Variants in DPEP2 observed in about 807,000 individuals in gnomAD.
DPEP2 encodes dipeptidase 2.
A neutral mutation model predicts 51.8 loss-of-function variants in DPEP2; 45 were observed. That is an observed-to-expected ratio of 0.87 (90% CI 0.68 to 1.11). DPEP2 has a LOEUF of 1.11. DPEP2 is among the 50% of genes most tolerant of loss of function. The pLI is 0.00. For synonymous variants in DPEP2, 255 were observed against 262.7 expected (o/e 0.97, Z 0.28); for missense variants, 604 against 631.9 (o/e 0.96, Z 0.47).
chr16:67,991,806 C>G lies in DPEP2; in HGVS notation c.662+32G>C, dbSNP rs2032190228. Reference sequence around the variant, plus strand: ...CTCAGGCAGATCTCTGCCCCTGCCTCAGCGGTCCCACACCATCTGCACTAG... The same window carrying G: ...CTCAGGCAGATCTCTGCCCCTGCCTGAGCGGTCCCACACCATCTGCACTAG... On this transcript the variant is annotated intron_variant, in intron 5 of 10. Coordinates refer to ENST00000393847, the MANE Select transcript of DPEP2 (RefSeq NM_022355.4). This position sits in a 1 kb window ranked among gnomAD's most constrained non-coding sequence, Gnocchi z 5.1. 2 of 1,608,866 alleles carry G rather than the reference C, an allele frequency of 1.2e-6. No individual in the cohort carries two copies. Among genetic ancestry groups the G allele is most frequent in the African/African-American group, 1.3e-5 (1 of 74,874 alleles).
chr16:67,990,950 G>C lies in DPEP2; in HGVS notation c.780C>G (p.Ser260=), dbSNP rs772954789. 29 of 1,614,066 alleles carry C rather than the reference G, an allele frequency of 1.8e-5. No individual in the cohort carries two copies. The highest frequency in any genetic ancestry group is 2.4e-5 in the Non-Finnish European group (28 of 1,180,038). The change falls in exon 7 of 11, where the codon TCC becomes TCG. Residue 260 remains serine, a synonymous_variant. Transcript: ENST00000393847. ...MNRLGMMVDL[S]HVSDAVARRA... is the part of the protein sequence containing the mutation. Reference sequence around the variant, plus strand: ...GCCGTGCCACAGCATCTGAGACATGGGATAAGTCTACCATCATGCCCAGGC... The same window carrying C: ...GCCGTGCCACAGCATCTGAGACATGCGATAAGTCTACCATCATGCCCAGGC...
At position 67,997,252 on chromosome 16, in the gene DPEP2, C is replaced by T. The variant is rs184056571; in HGVS notation, c.-46+2123G>A. On this transcript the variant is annotated intron_variant, in intron 1 of 10. Transcript: ENST00000393847. ...TTTGCCATGTTGGCCAGGCTGGTCT[C>T]GAACTCCTGACCTCAGGTGATCCGC... is the stretch of plus-strand genomic sequence containing the variant. 6.8e-3 allele frequency among the ~76,000 whole-genome samples: 1,028 copies of T among 151,442 alleles called. 13 individuals are homozygous for T. The highest frequency in any genetic ancestry group is 0.022 in the African/African-American group (910 of 41,266).
chr16:67,989,225 A>G, intron 9 of DPEP2, 98 bp downstream of exon 9: 1 of 1,285,926 alleles, frequency 7.8e-7, no homozygotes, highest in South Asian at 1.2e-5. Context: ...TGATCCCGGG[A>G]GTGTGGTCAA....
In DPEP2 at chr16:67,991,142, G is replaced by A. The variant is rs1413727964; in HGVS notation, c.705C>T (p.Asn235=). Residue 235 remains asparagine (N), a synonymous_variant, in exon 6 of 11, where the codon AAC becomes AAT. Coordinates refer to ENST00000393847, the MANE Select transcript of DPEP2 (RefSeq NM_022355.4). This position sits in a 1 kb window ranked among gnomAD's most constrained non-coding sequence, Gnocchi z 5.1. ...SAKGVHSFYN[N]ISGLTDFGEK... is the part of the protein sequence containing the mutation. ...CACCAAAGTCAGTCAGCCCGCTGAT[G>A]TTGTTGTAGAAGGAGTGGACGCCCT... 6.8e-6 allele frequency: 11 copies of A among 1,614,090 alleles called. No homozygotes were observed. Among genetic ancestry groups the A allele is most frequent in the Non-Finnish European group, 8.5e-6 (10 of 1,180,022 alleles).
At position 67,992,618 on chromosome 16, in the gene DPEP2, C is replaced by G. The variant is rs774332088; in HGVS notation, c.282G>C (p.Leu94=). Reference sequence around the variant, plus strand: ...CTTTCTGGTAAACCTGCCTTAGGACCAGGGGCAGGTCGTTGTGGCTGGAGG... The same window carrying G: ...CTTTCTGGTAAACCTGCCTTAGGACGAGGGGCAGGTCGTTGTGGCTGGAGG... The part of the protein sequence containing the change: ...PLVDGHNDLP[L]VLRQVYQKGL... The change falls in exon 3 of 11, where the codon CTG becomes CTC. Residue 94 remains leucine, a synonymous_variant. Transcript: ENST00000393847. The G allele has an allele frequency of 6.8e-6, 11 of 1,613,862 alleles. No individual in the cohort carries two copies. In the Admixed American group the frequency reaches 8.3e-5, roughly 12 times the overall value.
chr16:67,992,396 G>T, intron 3 of DPEP2, 114 bp downstream of exon 3: 1 of 1,486,748 alleles, frequency 6.7e-7, no homozygotes, highest in Non-Finnish European at 9.1e-7. Context: ...GACACTTTTT[G>T]GGTCACTATG....
Position 67,987,923 on chromosome 16 carries a change from C to G in DPEP2, c.1135G>C (p.Gly379Arg), listed in dbSNP as rs766824465. The change falls in exon 10 of 11, where the codon GGC (glycine) becomes CGC (arginine). Residue 379 changes from glycine to arginine, a missense_variant. Coordinates refer to ENST00000393847, the MANE Select transcript of DPEP2 (RefSeq NM_022355.4). Reference protein sequence around the residue: ...PVLIEELLSRGWSEEELQGVL... With the variant: ...PVLIEELLSRRWSEEELQGVL... ...CCCTGAAGCTCTTCCTCACTCCAGC[C>G]ACGACTCAGCAACTCCTCTATCAGG... 5 of 1,614,074 alleles carry G rather than the reference C, an allele frequency of 3.1e-6. No individual in the cohort carries two copies. Among genetic ancestry groups the G allele is most frequent in the Non-Finnish European group, 4.2e-6 (5 of 1,180,044 alleles).
At chr16:67,999,993 C>A (rs1456566301), upstream of DPEP2, among the ~76,000 whole-genome samples, 1 of 152,152 alleles carries the variant, frequency 6.6e-6, no homozygotes, top group African/African-American at 2.4e-5. Flanking sequence ...GAATTTCTTT[C>A]TTTGGCTTTC....
In DPEP2 at chr16:67,991,668, G is replaced by A. The variant is rs909803902; in HGVS notation, c.662+170C>T. 1.8e-5 allele frequency: 19 copies of A among 1,032,154 alleles called. No individual in the cohort carries two copies. Among genetic ancestry groups the A allele is most frequent in the African/African-American group, 9.7e-5 (6 of 61,774 alleles). 63.9% of individuals were successfully genotyped at this position (1,032,154 alleles called of 1,614,324 possible). On this transcript the variant is annotated intron_variant, in intron 5 of 10. Coordinates refer to ENST00000393847, the MANE Select transcript of DPEP2 (RefSeq NM_022355.4). This position sits in a 1 kb window ranked among gnomAD's most constrained non-coding sequence, Gnocchi z 5.1. ...TTTGGGATTACAGGCATGAGCCACCGCGTCTGGCCAGGGGTCAAGTCGTAT... is the reference window on the plus strand; with the variant it reads ...TTTGGGATTACAGGCATGAGCCACCACGTCTGGCCAGGGGTCAAGTCGTAT...
Position 67,993,861 on chromosome 16 carries a change from C to T in DPEP2, c.-45-604G>A, listed in dbSNP as rs971930864. The T allele has an allele frequency of 5.1e-6, 5 of 985,404 alleles. No individual in the cohort carries two copies. In the African/African-American group the frequency reaches 8.7e-5, roughly 17 times the overall value. The allele number at this position is 985,404 out of a possible 1,614,324, so 61.0% of individuals were successfully genotyped here. Reference sequence around the variant, plus strand: ...GGGCCCCCTGGCCCTGACCTTCTCTCTCCCGTAACTTAGGCCCTCAAGCCT... The same window carrying T: ...GGGCCCCCTGGCCCTGACCTTCTCTTTCCCGTAACTTAGGCCCTCAAGCCT... On this transcript the variant is annotated intron_variant, in intron 1 of 10. Transcript: ENST00000393847.
chr16:67,994,112 G>A (rs781274993), intron 1 of DPEP2: 205 of 985,322 alleles, frequency 2.1e-4, no homozygotes, highest in Non-Finnish European at 2.2e-4. Context: ...CTGCATGGAA[G>A]GAAATGAAGT....
Position 67,989,413 on chromosome 16 carries a change from G to C in DPEP2, c.995-15C>G. The C allele has an allele frequency of 6.2e-7, 1 of 1,614,162 alleles. No individual in the cohort carries two copies. Among genetic ancestry groups the C allele is most frequent in the South Asian group, 1.1e-5 (1 of 91,080 alleles). ...GTCGAAGTGATCTGGGGAGGGGGAA[G>C]GTGGACAGTCAGCTGCGTAGGGCTT... On this transcript the variant is annotated splice_polypyrimidine_tract_variant and intron_variant, in intron 8 of 10. Transcript: ENST00000393847.
rs954620006 is a variant in DPEP2, at chr16:67,989,899, T to C, written c.994+148A>G. 7.6e-6 allele frequency: 6 copies of C among 787,710 alleles called. No individual in the cohort carries two copies. The African/African-American group carries it at 8.7e-5, about 11-fold the overall frequency. 48.8% of individuals were successfully genotyped at this position (787,710 alleles called of 1,614,324 possible). ...TACCCATCAGGACCGCAGCACTGAC[T>C]CTGTGGCTGCAGCTCCATGTGACCA... On this transcript the variant is annotated intron_variant, in intron 8 of 10. Coordinates refer to ENST00000393847, the MANE Select transcript of DPEP2 (RefSeq NM_022355.4).
At chr16:67,994,505 T>A (rs981121971) in intron 1 of DPEP2, 1 of 985,364 alleles carries the variant, frequency 1.0e-6, no homozygotes, top group African/African-American at 1.7e-5. Context: ...CCTGAGATCT[T>A]CCGGGACTGT....
Position 67,989,537 on chromosome 16 carries a change from T to A in DPEP2, c.995-139A>T. ...TTCCTTTATGGCCTGCCACATAGCT[T>A]GGCAACCTGAGAACCCTGAGGTTTG... On this transcript the variant is annotated intron_variant, in intron 8 of 10. Coordinates refer to ENST00000393847, the MANE Select transcript of DPEP2 (RefSeq NM_022355.4). 3 of 819,844 alleles carry A rather than the reference T, an allele frequency of 3.7e-6. No homozygotes were observed. The South Asian group carries it at 4.9e-5, about 13-fold the overall frequency. The allele number at this position is 819,844 out of a possible 1,614,324, so 50.8% of individuals were successfully genotyped here. A position where few individuals can be genotyped will look rare whatever the true frequency, so the allele number is the denominator to read the frequency against.
rs765101989 is a variant in DPEP2 at position 67,992,080 on chromosome 16, A to G, written c.504T>C (p.Leu168=). The part of the protein sequence containing the change: ...RMCASYSELE[L]VTSAKALNDT... ...CTTGCCTACCTTTAGCCGAGGTCACAAGCTCCAGCTCAGAATAGGAGGCAC... is the reference window on the plus strand; with the variant it reads ...CTTGCCTACCTTTAGCCGAGGTCACGAGCTCCAGCTCAGAATAGGAGGCAC... The change falls in exon 4 of 11, where the codon CTT becomes CTC. Residue 168 remains leucine, a synonymous_variant. Coordinates refer to ENST00000393847, the MANE Select transcript of DPEP2 (RefSeq NM_022355.4). 2 of 1,614,180 alleles carry G rather than the reference A, an allele frequency of 1.2e-6. No individual in the cohort carries two copies. Among genetic ancestry groups the G allele is most frequent in the Non-Finnish European group, 1.7e-6 (2 of 1,180,036 alleles).
rs573954866 is a variant in DPEP2 at position 67,987,909 on chromosome 16, T to G, written c.1149A>C (p.Glu383Asp). The G allele has an allele frequency of 5.6e-6, 9 of 1,614,160 alleles. No homozygotes were observed. In the East Asian group the frequency reaches 2.0e-4, roughly 36 times the overall value. ...EELLSRGWSE[E>D]ELQGVLRGNL... is the part of the protein sequence containing the mutation. ...TTCCACGAAGGACACCCTGAAGCTC[T>G]TCCTCACTCCAGCCACGACTCAGCA... The change falls in exon 10 of 11, where the codon GAA becomes GAC. Residue 383 changes from glutamate (E) to aspartate (D), a missense_variant. Physicochemically the swap from Glu to Asp is conservative, Grantham distance 45 (BLOSUM62 2). Coordinates refer to ENST00000393847, the MANE Select transcript of DPEP2 (RefSeq NM_022355.4).
intron 1 of DPEP2, chr16:67,993,865 C>T (rs578123527): frequency 6.1e-4 from 603 of 985,484 alleles, no homozygotes; most frequent in Non-Finnish European, 7.0e-4. Flanking sequence ...TTCTCTCTCC[C>T]GTAACTTAGG....
At chr16:67,992,304 A>G in intron 3 of DPEP2, 111 bp from the exon 4 acceptor site, 2 of 1,474,648 alleles carry the variant, frequency 1.4e-6, no homozygotes. Context: ...GGCCACATGT[A>G]ATGTACTGCT....
Sources: gnomAD v4.1 joint callset for allele counts (sites outside exome capture counted in the v4.1 genomes callset) on GRCh38, gnomAD v4.1.1 for gene constraint, Gnocchi (gnomAD v3.1) non-coding constraint, MANE v1.5 for transcripts, NCBI Gene and HGNC (gene_info 2026-07-23, HGNC 2026-07-21) for gene names.